Variants in PIP4K2A observed in about 807,000 individuals in gnomAD.
PIP4K2A encodes phosphatidylinositol-5-phosphate 4-kinase type 2 alpha.
A neutral mutation model predicts 42.9 loss-of-function variants in PIP4K2A; 14 were observed. The ratio of observed to expected loss-of-function variants is 0.33; its 90% confidence interval spans 0.22 to 0.51. The LOEUF (loss-of-function observed/expected upper bound fraction) is 0.51, where lower values mean the gene tolerates loss of function less well. Ranked by LOEUF, PIP4K2A falls within the 20% of genes least tolerant of loss-of-function variation. The pLI is 0.97. For synonymous variants in PIP4K2A, 192 were observed against 192.2 expected, an observed-to-expected ratio of 1.00 and a Z score of 0.01; for missense variants, 434 against 519.8, an observed-to-expected ratio of 0.83 and a Z score of 1.61.
intron 6 of PIP4K2A, among the ~76,000 whole-genome samples, chr10:22,556,367 A>G (rs1836548045): frequency 6.6e-6 from 1 of 152,222 alleles, no homozygotes; most frequent in Admixed American, 6.5e-5. Flanking sequence ...TATTCCTAGT[A>G]GGAAACCTCA....
At chr10:22,676,483 G>T (rs1006908902) in intron 1 of PIP4K2A, among the ~76,000 whole-genome samples, 1 of 152,050 alleles carries the variant, frequency 6.6e-6, no homozygotes, top group African/African-American at 2.4e-5. Context: ...GATATGGCCA[G>T]ATCAAGAGGG....
intron 1 of PIP4K2A, among the ~76,000 whole-genome samples, chr10:22,651,181 G>C (rs1588686047): frequency 6.6e-6 from 1 of 152,136 alleles, no homozygotes; most frequent in East Asian, 1.9e-4. Flanking sequence ...AGCCCCACCA[G>C]CTATCTGGAC....
Position 22,591,632 on chromosome 10 carries a change from G to A in PIP4K2A, c.489C>T (p.His163=). 6.2e-7 allele frequency: 1 copy of A among 1,600,152 alleles called. No homozygotes were observed. The highest frequency in any genetic ancestry group is 8.5e-7 in the Non-Finnish European group (1 of 1,171,806). ...AEMHNILKKY[H]QYIVECHGIT... is the part of the protein sequence containing the mutation. ...AATAAAGATCAAGAAAAATTACCTG[G>A]TGGTATTTCTTCAGGATGTTGTGCA... is the stretch of plus-strand genomic sequence containing the variant. Residue 163 remains histidine (H), a synonymous_variant, in exon 4 of 10, where the codon CAC becomes CAT. Transcript: ENST00000376573.
At chr10:22,609,753 C>T in intron 1 of PIP4K2A, 36 bp from the exon 2 acceptor site, 1 of 1,266,078 alleles carries the variant, frequency 7.9e-7, no homozygotes. Context: ...TGGGTTATTA[C>T]TATCCAGGTG....
chr10:22,573,518 G>T, intron 4 of PIP4K2A, 61 bp from the exon 5 acceptor site: 1 of 1,439,838 alleles, frequency 6.9e-7, no homozygotes. Context: ...TTCCTTAGAT[G>T]TAAAATACAT....
At chr10:22,538,958 T>G (rs940668881) in intron 9 of PIP4K2A, among the ~76,000 whole-genome samples, 1 of 152,222 alleles carries the variant, frequency 6.6e-6, no homozygotes, top group Non-Finnish European at 1.5e-5. Context: ...AGTTTTTGGT[T>G]CTGGTGAATC....
Position 22,548,403 on chromosome 10 carries a change from A to T in PIP4K2A, c.792+2256T>A, listed in dbSNP as rs544103548. On this transcript the variant is annotated intron_variant, in intron 7 of 9. Coordinates refer to ENST00000376573, the MANE Select transcript of PIP4K2A (RefSeq NM_005028.5). ...ACTGTAAATTTGAACTGCTTGAATT[A>T]CATTATTTCTGGAGTCTAAATATCA... Among the ~76,000 whole-genome samples the T allele has an allele frequency of 2.0e-5, 3 of 152,366 alleles. No homozygotes were observed. In the South Asian group the frequency reaches 6.2e-4, roughly 32 times the overall value.
chr10:22,686,990 T>C (rs945585437), intron 1 of PIP4K2A, among the ~76,000 whole-genome samples: 6 of 152,168 alleles, frequency 3.9e-5, no homozygotes, highest in African/African-American at 1.4e-4. Flanking sequence ...ACTTAGCACA[T>C]ACATGCTCAC....
chr10:22,710,273 C>G (rs1833891226), intron 1 of PIP4K2A, among the ~76,000 whole-genome samples: 1 of 152,158 alleles, frequency 6.6e-6, no homozygotes, highest in East Asian at 1.9e-4. Flanking sequence ...CAGAACCATC[C>G]AGCTCTATTA....
At chr10:22,589,765 G>T (rs1588646763) in intron 4 of PIP4K2A, among the ~76,000 whole-genome samples, 2 of 152,232 alleles carry the variant, frequency 1.3e-5, no homozygotes, top group Admixed American at 1.3e-4. Context: ...CTTAGTAAGT[G>T]TGATTGTTTA....
At chr10:22,622,812 A>T (rs1838359941) in intron 1 of PIP4K2A, among the ~76,000 whole-genome samples, 1 of 152,344 alleles carries the variant, frequency 6.6e-6, no homozygotes, top group East Asian at 1.9e-4. Context: ...ATTTAACATC[A>T]TGCAATACTA....
intron 4 of PIP4K2A, among the ~76,000 whole-genome samples, chr10:22,576,709 G>A (rs943677611): frequency 5.9e-5 from 9 of 152,148 alleles, no homozygotes; most frequent in African/African-American, 2.2e-4. Flanking sequence ...AAAGTAGTAT[G>A]GAAGTGTTAT....
intron 1 of PIP4K2A, among the ~76,000 whole-genome samples, chr10:22,691,126 C>T (rs1455072917): frequency 6.6e-6 from 1 of 152,176 alleles, no homozygotes; most frequent in Non-Finnish European, 1.5e-5. Context: ...GTGTGCCAAA[C>T]AGAAGCAAAG....
At chr10:22,621,177 T>C (rs1750756) in intron 1 of PIP4K2A, among the ~76,000 whole-genome samples, 64,824 of 151,962 alleles carry the variant, frequency 0.43, 14,917 homozygotes, top group African/African-American at 0.59. Flanking sequence ...TCTCTGGACC[T>C]GGGGGATCTT....
At chr10:22,683,059 G>C in intron 1 of PIP4K2A, among the ~76,000 whole-genome samples, 1 of 138,706 alleles carries the variant, frequency 7.2e-6, no homozygotes, top group East Asian at 2.0e-4. Flanking sequence ...AAAAGAAAAA[G>C]AAAAACAACA....
At chr10:22,644,622 C>T (rs1040123436) in intron 1 of PIP4K2A, among the ~76,000 whole-genome samples, 4 of 152,184 alleles carry the variant, frequency 2.6e-5, no homozygotes, top group African/African-American at 9.7e-5. Context: ...ATCCAGATGG[C>T]ACCCACCACT....
chr10:22,703,198 G>C (rs1411345030), intron 1 of PIP4K2A, among the ~76,000 whole-genome samples: 3 of 152,104 alleles, frequency 2.0e-5, no homozygotes, highest in Non-Finnish European at 4.4e-5. Flanking sequence ...TTGAGGCCAA[G>C]AGTTGAAGAC....
intron 1 of PIP4K2A, among the ~76,000 whole-genome samples, chr10:22,688,708 C>T (rs1013354586): frequency 1.3e-5 from 2 of 152,186 alleles, no homozygotes; most frequent in Non-Finnish European, 2.9e-5. Context: ...CTACCTCAGA[C>T]TCCCAAAGTG....
At chr10:22,667,864 TCTGTGTGTGTGTGTGTG>T (rs1839377684) in intron 1 of PIP4K2A, among the ~76,000 whole-genome samples, 1 of 117,108 alleles carries the variant, frequency 8.5e-6, no homozygotes, top group African/African-American at 3.5e-5. Flanking sequence ...TCAGTGAACT[TCTGTGTGTGTGTGTGTG>T]TGTGTGTGTG....
Sources: allele counts gnomAD v4.1 joint callset (sites outside exome capture counted in the v4.1 genomes callset), GRCh38; gene constraint gnomAD v4.1.1; transcripts MANE v1.5; gene names NCBI Gene and HGNC (gene_info 2026-07-23, HGNC 2026-07-21).